AAGAB: variants seen among roughly 807,000 people sequenced by gnomAD.
The protein encoded by AAGAB is alpha and gamma adaptin binding protein.
In AAGAB, 38 loss-of-function variants were observed where a neutral mutation model predicts 44.1. The observed-to-expected ratio is 0.86, with a 90% CI of 0.67 to 1.13. AAGAB has a LOEUF of 1.13. Ranked by LOEUF, AAGAB falls within the 50% of genes most tolerant of loss-of-function variation. The pLI is 0.00. For missense variants in AAGAB, 450 were observed against 373.8 expected (o/e 1.20, Z -1.68); for synonymous variants, 131 against 131.8 (o/e 0.99, Z 0.04).
chr15:67,245,988 T>C (rs1003323939), intron 1 of AAGAB, among the ~76,000 whole-genome samples: 1 of 152,212 alleles, frequency 6.6e-6, no homozygotes, highest in Non-Finnish European at 1.5e-5. Flanking sequence ...GACACTTTTT[T>C]CCACTTCTGT....
At chr15:67,245,789 T>A (rs1964707232) in intron 1 of AAGAB, among the ~76,000 whole-genome samples, 1 of 152,198 alleles carries the variant, frequency 6.6e-6, no homozygotes, top group Non-Finnish European at 1.5e-5. Context: ...TAAAGTCAGA[T>A]CGCTTAAAAA....
chr15:67,236,954 T>C (rs754789561), intron 1 of AAGAB, 134 bp from the exon 2 acceptor site: 575 of 621,634 alleles, frequency 9.2e-4, no homozygotes, highest in Non-Finnish European at 1.4e-3. Flanking sequence ...GGACCCTGCA[T>C]TTATTAGCTT....
chr15:67,219,730 ACC>A (rs1298052356), intron 5 of AAGAB, among the ~76,000 whole-genome samples: 9 of 152,166 alleles, frequency 5.9e-5, no homozygotes, highest in Non-Finnish European at 1.3e-4. Context: ...CTGTACATGT[ACC>A]CCCAATTCTA....
intron 4 of AAGAB, chr15:67,232,632 G>A: frequency 2.9e-6 from 1 of 344,832 alleles, no homozygotes; most frequent in Non-Finnish European, 5.9e-6. Flanking sequence ...AACTCATTTT[G>A]GTGGTGGCAA....
rs370363936 is a variant in AAGAB at position 67,219,329 on chromosome 15, T to C, written c.536-9785A>G. 2.4e-4 allele frequency among the ~76,000 whole-genome samples: 36 copies of C among 152,352 alleles called. 2 individuals are homozygous for C. In the South Asian group the frequency reaches 7.5e-3, roughly 32 times the overall value. On this transcript the variant is annotated intron_variant, in intron 5 of 9. Coordinates refer to ENST00000261880, the MANE Select transcript of AAGAB (RefSeq NM_024666.5). ...AGATTTTTTGCCCCTCAAGAATTAATGTTCACCCCTTTGGAGCAATAATGT... is the reference window on the plus strand; with the variant it reads ...AGATTTTTTGCCCCTCAAGAATTAACGTTCACCCCTTTGGAGCAATAATGT...
intron 5 of AAGAB, chr15:67,221,210 A>G (rs943380888): frequency 6.6e-6 from 1 of 152,232 alleles, no homozygotes; most frequent in Admixed American, 6.5e-5. Context: ...GACTAGGAAA[A>G]AGAGTCATCA....
At position 67,236,521 on chromosome 15, in the gene AAGAB, A is replaced by C; in HGVS notation, c.265-17T>G. On this transcript the variant is annotated splice_polypyrimidine_tract_variant and intron_variant, in intron 2 of 9. Coordinates refer to ENST00000261880, the MANE Select transcript of AAGAB (RefSeq NM_024666.5). ...GCCCGATTTCTAGAGGGAACAAAAA[A>C]TATAAACAAACAAAAACAGAAAAGA... The C allele has an allele frequency of 6.2e-7, 1 of 1,611,870 alleles. No individual in the cohort carries two copies. The highest frequency in any genetic ancestry group is 8.5e-7 in the Non-Finnish European group (1 of 1,178,402).
chr15:67,238,102 C>CT (rs1370455101), intron 1 of AAGAB, among the ~76,000 whole-genome samples: 10 of 151,700 alleles, frequency 6.6e-5, no homozygotes, highest in Non-Finnish European at 5.9e-5. Flanking sequence ...AAGGTCGGCC[C>CT]TTTTTTTAGC....
chr15:67,204,402 T>G (rs775976720), intron 7 of AAGAB, among the ~76,000 whole-genome samples: 2 of 152,160 alleles, frequency 1.3e-5, no homozygotes, highest in Non-Finnish European at 2.9e-5. Flanking sequence ...GAAAACCACA[T>G]CTCAGAGTTG....
intron 5 of AAGAB, among the ~76,000 whole-genome samples, chr15:67,219,194 T>C (rs1255068808): frequency 1.3e-5 from 2 of 152,226 alleles, no homozygotes; most frequent in Admixed American, 6.5e-5. Flanking sequence ...TTAAGACATT[T>C]TCCCCCTAAT....
intron 7 of AAGAB, among the ~76,000 whole-genome samples, chr15:67,207,942 A>G (rs995033138): frequency 1.3e-5 from 2 of 152,222 alleles, no homozygotes; most frequent in Non-Finnish European, 2.9e-5. Flanking sequence ...TTAAAAATTT[A>G]TTACTGCACA....
chr15:67,202,715 C>G lies in AAGAB; in HGVS notation c.*106G>C, dbSNP rs1963594430. 7 of 1,005,190 alleles carry G rather than the reference C, an allele frequency of 7.0e-6. 1 individual carries two copies. Among genetic ancestry groups the G allele is most frequent in the Middle Eastern group, 2.2e-4 (1 of 4,588 alleles). The allele number at this position is 1,005,190 out of a possible 1,614,324, so 62.3% of individuals were successfully genotyped here. A position where few individuals can be genotyped will look rare whatever the true frequency, so the allele number is the denominator to read the frequency against. On this transcript the variant is annotated 3_prime_UTR_variant, in exon 10 of 10. Coordinates refer to ENST00000261880, the MANE Select transcript of AAGAB (RefSeq NM_024666.5). ...AAGGGGACCCTATAAACAAGTCAGG[C>G]AGCCAACATGATAAGGGCAATTTTG...
chr15:67,253,266 G>GT (rs1964930331), intron 1 of AAGAB, among the ~76,000 whole-genome samples: 1 of 146,376 alleles, frequency 6.8e-6, no homozygotes, highest in Non-Finnish European at 1.5e-5. Context: ...ATGACGGGGG[G>GT]GGGGGGGGGC....
At chr15:67,238,000 AGT>A (rs1964509803) in intron 1 of AAGAB, among the ~76,000 whole-genome samples, 1 of 152,194 alleles carries the variant, frequency 6.6e-6, no homozygotes, top group Non-Finnish European at 1.5e-5. Flanking sequence ...TTATGTATAA[AGT>A]GTGTGTGTAT....
Position 67,203,542 on chromosome 15 carries a change from T to C in AAGAB, c.870+6A>G, listed in dbSNP as rs763758300. 1.2e-6 allele frequency: 2 copies of C among 1,613,272 alleles called. No homozygotes were observed. Among genetic ancestry groups the C allele is most frequent in the Admixed American group, 3.3e-5 (2 of 59,986 alleles). On this transcript the variant is annotated splice_donor_region_variant and intron_variant, in intron 9 of 9. Coordinates refer to ENST00000261880, the MANE Select transcript of AAGAB (RefSeq NM_024666.5). The stretch of plus-strand genomic sequence containing the variant: ...TATTCAATAAATACCTGGCTGATTG[T>C]CTCACCTTTTCTGCATGCACTTTTC...
rs117336614 is a variant in AAGAB, at chr15:67,230,206, T to C, written c.535+1608A>G. ...GTAGTGTCTCACTCAGCATACTTGT[T>C]GAGGCAGCCAAGAGATGTAAGACAG... is the stretch of plus-strand genomic sequence containing the variant. On this transcript the variant is annotated intron_variant, in intron 5 of 9. Transcript: ENST00000261880. 6.2e-3 allele frequency among the ~76,000 whole-genome samples: 938 copies of C among 152,238 alleles called. 9 individuals carry two copies. Among genetic ancestry groups the C allele is most frequent in the Non-Finnish European group, 0.011 (717 of 68,014 alleles).
intron 7 of AAGAB, among the ~76,000 whole-genome samples, chr15:67,205,725 C>G (rs574291877): frequency 9.2e-5 from 14 of 152,212 alleles, no homozygotes; most frequent in South Asian, 8.3e-4. Context: ...TTGCACAGAG[C>G]TGTTGTAGTG....
At chr15:67,222,224 ACGCGCACGCGCGCG>A (rs1964082703) in intron 5 of AAGAB, among the ~76,000 whole-genome samples, 1 of 111,906 alleles carries the variant, frequency 8.9e-6, no homozygotes, top group African/African-American at 3.7e-5. Flanking sequence ...ACATGCATGC[ACGCGCACGCGCGCG>A]CGCGCACACA....
rs375444996 is a variant in AAGAB at position 67,204,137 on chromosome 15, C to G, written c.727G>C (p.Asp243His). 2.5e-6 allele frequency: 4 copies of G among 1,604,658 alleles called. No homozygotes were observed. The highest frequency in any genetic ancestry group is 2.7e-5 in the African/African-American group (2 of 74,706). Residue 243 changes from aspartate (D) to histidine (H), a missense_variant, in exon 8 of 10, where the codon GAT becomes CAT. Coordinates refer to ENST00000261880, the MANE Select transcript of AAGAB (RefSeq NM_024666.5). ...CTGGCTAATTCTTGAATATCCAGAT[C>G]TAACATGGGATCTGAAATAGGGATT... is the stretch of plus-strand genomic sequence containing the variant. ...QVDSIVDPML[D>H]LDIQELASLT...
Sources: allele counts gnomAD v4.1 joint callset (sites outside exome capture counted in the v4.1 genomes callset), GRCh38; gene constraint gnomAD v4.1.1; transcripts MANE v1.5; gene names NCBI Gene and HGNC (gene_info 2026-07-23, HGNC 2026-07-21).